The following CALCR variants were observed in gnomAD, a reference collection of about 807,000 sequenced individuals.
CALCR encodes the protein calcitonin receptor.
CALCR carries 47 observed loss-of-function variants against 59.5 expected under a neutral mutation model. The ratio of observed to expected loss-of-function variants is 0.79; its 90% CI spans 0.63 to 1.01. CALCR has a LOEUF of 1.01. Ranked by LOEUF, CALCR falls within the 50% of genes least tolerant of loss-of-function variation. CALCR has a pLI of 0.00. For missense variants in CALCR, 566 were observed against 597.1 expected (o/e 0.95, Z 0.54); for synonymous variants, 213 against 211.3 (o/e 1.01, Z -0.07).
At chr7:93,457,477 A>C (rs1343390870) in intron 8 of CALCR, among the ~76,000 whole-genome samples, 3 of 152,162 alleles carry the variant, frequency 2.0e-5, no homozygotes, top group Non-Finnish European at 4.4e-5. Flanking sequence ...TACAGATGGG[A>C]GACAGGGAGA....
intron 11 of CALCR, among the ~76,000 whole-genome samples, chr7:93,437,593 T>C (rs182064814): frequency 9.2e-5 from 14 of 152,304 alleles, no homozygotes; most frequent in Admixed American, 7.8e-4. Flanking sequence ...AGTAAGCATC[T>C]GACATTTGGC....
intron 2 of CALCR, among the ~76,000 whole-genome samples, chr7:93,541,008 T>C (rs1789123098): frequency 6.6e-6 from 1 of 152,072 alleles, no homozygotes; most frequent in Admixed American, 6.6e-5. Flanking sequence ...GAGAACTCAC[T>C]ATAGCCTTAC....
chr7:93,535,961 T>C (rs1285859389), intron 2 of CALCR, among the ~76,000 whole-genome samples: 1 of 151,852 alleles, frequency 6.6e-6, no homozygotes, highest in Non-Finnish European at 1.5e-5. Context: ...TTGCATCCAC[T>C]CAAATCTCAG....
rs538110908 is a variant in CALCR at position 93,573,432 on chromosome 7, G to A, written c.-27+857C>T. On this transcript the variant is annotated intron_variant, in intron 2 of 13. Coordinates refer to ENST00000426151, the MANE Select transcript of CALCR (RefSeq NM_001742.4). ...AGCCTTACATAGATAACTTGATTCCGGTTAACCACAGCCTGGAAATAGTCA... is the reference window on the plus strand; with the variant it reads ...AGCCTTACATAGATAACTTGATTCCAGTTAACCACAGCCTGGAAATAGTCA... Among the ~76,000 whole-genome samples the A allele has an allele frequency of 2.1e-4, 32 of 152,254 alleles. No individual in the cohort carries two copies. In the South Asian group the frequency reaches 5.0e-3, roughly 24 times the overall value.
chr7:93,430,349 C>T (rs577054025), intron 13 of CALCR, among the ~76,000 whole-genome samples: 25 of 152,252 alleles, frequency 1.6e-4, no homozygotes, highest in African/African-American at 5.8e-4. Context: ...TCTTTTCAGT[C>T]TTTCGGAGGC....
chr7:93,449,989 C>T lies in CALCR; in HGVS notation c.649-6232G>A, dbSNP rs373584586. On this transcript the variant is annotated intron_variant, in intron 8 of 13. Coordinates refer to ENST00000426151, the MANE Select transcript of CALCR (RefSeq NM_001742.4). ...CGCTATGGTCTTCAGACTGGGCATG[C>T]GTATGTGCCTTTGGGTATAGGCAAA... Among the ~76,000 whole-genome samples the T allele has an allele frequency of 8.5e-5, 13 of 152,112 alleles. No homozygotes were observed. In the East Asian group the frequency reaches 1.4e-3, roughly 16 times the overall value.
At chr7:93,505,261 C>T (rs1801402279) in intron 2 of CALCR, among the ~76,000 whole-genome samples, 1 of 152,162 alleles carries the variant, frequency 6.6e-6, no homozygotes, top group Non-Finnish European at 1.5e-5. Flanking sequence ...TCAGTTGGCA[C>T]ATCCAGTTGC....
intron 2 of CALCR, among the ~76,000 whole-genome samples, chr7:93,535,191 A>G (rs892495189): frequency 6.6e-6 from 1 of 151,688 alleles, no homozygotes; most frequent in African/African-American, 2.4e-5. Context: ...TTGCTGACCT[A>G]CGATTTTTCG....
At chr7:93,568,509 T>TCTCTCTCTC (rs1789918557) in intron 2 of CALCR, among the ~76,000 whole-genome samples, 5 of 102,430 alleles carry the variant, frequency 4.9e-5, no homozygotes, top group African/African-American at 8.0e-5. Context: ...TAAAATTACT[T>TCTCTCTCTC]TCTCTCTCTC....
chr7:93,442,773 A>C (rs1799934634), intron 9 of CALCR, among the ~76,000 whole-genome samples: 1 of 152,148 alleles, frequency 6.6e-6, no homozygotes, highest in South Asian at 2.1e-4. Context: ...TTGGCTCTAT[A>C]GTCAGTGAGG....
intron 8 of CALCR, among the ~76,000 whole-genome samples, chr7:93,449,574 T>C (rs994124709): frequency 6.6e-6 from 1 of 152,058 alleles, no homozygotes; most frequent in African/African-American, 2.4e-5. Context: ...TAGTTGCTTA[T>C]TAAATCAAAA....
intron 2 of CALCR, among the ~76,000 whole-genome samples, chr7:93,543,757 T>C (rs1033781549): frequency 1.3e-5 from 2 of 151,838 alleles, no homozygotes; most frequent in Non-Finnish European, 2.9e-5. Context: ...TTCCAATGAG[T>C]TTTTTTTCAG....
At chr7:93,516,487 T>G (rs566618941) in intron 2 of CALCR, among the ~76,000 whole-genome samples, 2 of 151,984 alleles carry the variant, frequency 1.3e-5, no homozygotes, top group East Asian at 3.9e-4. Context: ...AACAGGGAGA[T>G]GGACACATTG....
intron 2 of CALCR, among the ~76,000 whole-genome samples, chr7:93,510,922 A>C (rs914684596): frequency 8.6e-5 from 13 of 151,992 alleles, no homozygotes; most frequent in Admixed American, 6.6e-4. Context: ...ATGAGATTCT[A>C]TTTGAAGAAT....
intron 2 of CALCR, among the ~76,000 whole-genome samples, chr7:93,556,669 A>G (rs181480648): frequency 6.6e-6 from 1 of 150,992 alleles, no homozygotes; most frequent in Non-Finnish European, 1.5e-5. Flanking sequence ...TTTTATCTAT[A>G]TATATATATT....
intron 2 of CALCR, among the ~76,000 whole-genome samples, chr7:93,502,590 A>G (rs1316862479): frequency 6.6e-6 from 1 of 152,136 alleles, no homozygotes; most frequent in Non-Finnish European, 1.5e-5. Flanking sequence ...TAAAACATCC[A>G]GACCCTTTGA....
intron 2 of CALCR, among the ~76,000 whole-genome samples, chr7:93,533,215 A>G (rs1788893931): frequency 6.6e-6 from 1 of 151,982 alleles, no homozygotes; most frequent in Admixed American, 6.6e-5. Flanking sequence ...GTTACCAAGA[A>G]CATGTCGACA....
chr7:93,435,971 T>A lies in CALCR; in HGVS notation c.1130A>T (p.His377Leu). The A allele has an allele frequency of 6.2e-7, 1 of 1,608,484 alleles. No homozygotes were observed. The highest frequency in any genetic ancestry group is 8.5e-7 in the Non-Finnish European group (1 of 1,175,280). ...MLGKIYDYVM[H>L]SLIHFQGFFV... ...CCTTACCTGGAAATGAATCAGAGAG[T>A]GCATCACGTAATCATATATCTTCCC... The change falls in exon 12 of 14, where the codon CAC (histidine) becomes CTC (leucine). Residue 377 changes from histidine (H) to leucine (L), a missense_variant. By Grantham distance (99) the His-to-Leu change is moderately conservative. Transcript: ENST00000426151.
chr7:93,540,903 C>T (rs1464250504), intron 2 of CALCR, among the ~76,000 whole-genome samples: 1 of 151,682 alleles, frequency 6.6e-6, no homozygotes, highest in East Asian at 1.9e-4. Context: ...TCTTTGCCCA[C>T]TCATAATCAA....
Sources: allele counts gnomAD v4.1 joint callset (sites outside exome capture counted in the v4.1 genomes callset), GRCh38; gene constraint gnomAD v4.1.1; transcripts MANE v1.5; gene names NCBI Gene and HGNC (gene_info 2026-07-23, HGNC 2026-07-21).